Variants in NGEF observed in about 807,000 individuals in gnomAD.
The protein encoded by NGEF is neuronal guanine nucleotide exchange factor, also known as ephexin-1.
Under a neutral mutation model 80.9 loss-of-function variants are expected in NGEF, and 31 were observed. That is an observed-to-expected ratio of 0.38 (90% CI 0.29 to 0.52). The LOEUF (loss-of-function observed/expected upper bound fraction) is 0.52. Among genes scored for constraint, NGEF ranks in the 20% least tolerant of loss-of-function variants. NGEF has a pLI of 0.84. For missense variants in NGEF, 709 were observed against 926.2 expected (o/e 0.77, Z 3.04); for synonymous variants, 371 against 370.2 (o/e 1.00, Z -0.03).
chr2:232,946,552 T>C (rs62191834), intron 3 of NGEF, among the ~76,000 whole-genome samples: 26,305 of 152,206 alleles, frequency 0.17, 3,121 homozygotes, highest in Non-Finnish European at 0.26. Context: ...GGGCACAATT[T>C]CCTAGCTCTG....
At chr2:232,888,657 T>C (rs1691784746) in intron 8 of NGEF, among the ~76,000 whole-genome samples, 1 of 152,236 alleles carries the variant, frequency 6.6e-6, no homozygotes, top group South Asian at 2.1e-4. Context: ...CAGTGAGGAC[T>C]GTCACGCTTA....
At chr2:232,992,310 C>T (rs191555370) in intron 1 of NGEF, among the ~76,000 whole-genome samples, 2 of 152,058 alleles carry the variant, frequency 1.3e-5, no homozygotes, top group East Asian at 3.9e-4. Flanking sequence ...GTAATCTCAG[C>T]ACTTTGGGGG....
chr2:233,010,900 C>A (rs996675607), intron 1 of NGEF, among the ~76,000 whole-genome samples: 2 of 152,070 alleles, frequency 1.3e-5, no homozygotes, highest in African/African-American at 4.8e-5. Flanking sequence ...TGGTCCCAGG[C>A]CAAGGGAAGG....
chr2:232,999,320 T>TTTAATATA (rs1694921994), intron 1 of NGEF, among the ~76,000 whole-genome samples: 2 of 152,096 alleles, frequency 1.3e-5, no homozygotes, highest in Non-Finnish European at 2.9e-5. Flanking sequence ...ATATAAAAAT[T>TTTAATATA]GGATATAGAG....
At chr2:232,959,662 C>T (rs544955873) in intron 3 of NGEF, among the ~76,000 whole-genome samples, 1 of 151,564 alleles carries the variant, frequency 6.6e-6, no homozygotes, top group Non-Finnish European at 1.5e-5. Flanking sequence ...TCACCACAAC[C>T]TCTGTCTCCT....
At chr2:232,886,719 G>A (rs1195460710) in intron 9 of NGEF, among the ~76,000 whole-genome samples, 2 of 152,248 alleles carry the variant, frequency 1.3e-5, no homozygotes, top group African/African-American at 2.4e-5. Flanking sequence ...ACATACCCCT[G>A]GCCCAGGGCT....
At chr2:232,953,301 C>CAAAAAAAAAAAAAAAAAAAAA (rs57652494) in intron 3 of NGEF, among the ~76,000 whole-genome samples, 7 of 91,206 alleles carry the variant, frequency 7.7e-5, no homozygotes, top group South Asian at 4.6e-4. Flanking sequence ...GACTCTGTGT[C>CAAAAAAAAAAAAAAAAAAAAA]AAAAAAAAAA....
chr2:233,013,167 C>T lies in NGEF; in HGVS notation c.-174G>A, dbSNP rs76601746. The T allele has an allele frequency of 1.9e-3, 887 of 471,254 alleles. 10 individuals carry two copies. The highest frequency in any genetic ancestry group is 0.016 in the African/African-American group (796 of 50,200). The allele number at this position is 471,254 out of a possible 1,614,324, so 29.2% of individuals were successfully genotyped here. ...ACCTGCGAGCAGGATGGTGTGTCCC[C>T]GGCTAAATCCACAGGCGCTCCACTC... is the stretch of plus-strand genomic sequence containing the variant. On this transcript the variant is annotated 5_prime_UTR_variant, in exon 1 of 15. Transcript: ENST00000264051.
At chr2:232,884,304 G>C (rs527377859) in intron 10 of NGEF, among the ~76,000 whole-genome samples, 160 bp from the exon 11 acceptor site, 33 of 152,328 alleles carry the variant, frequency 2.2e-4, no homozygotes, top group Middle Eastern at 3.4e-3. Flanking sequence ...CGGATGCAGA[G>C]AGATGGCAGG....
intron 3 of NGEF, chr2:232,927,924 G>C: frequency 7.5e-7 from 1 of 1,335,344 alleles, no homozygotes; most frequent in Non-Finnish European, 9.6e-7. Flanking sequence ...GCCGAGTCGC[G>C]CGCGTCGCTT....
intron 1 of NGEF, among the ~76,000 whole-genome samples, chr2:233,007,462 C>A (rs1275546410): frequency 6.6e-6 from 1 of 152,120 alleles, no homozygotes; most frequent in Admixed American, 6.5e-5. Flanking sequence ...GTGGGGACAA[C>A]TCACAGAGAA....
At chr2:232,971,058 C>G (rs546418364) in intron 2 of NGEF, among the ~76,000 whole-genome samples, 2 of 131,296 alleles carry the variant, frequency 1.5e-5, no homozygotes, top group South Asian at 2.3e-4. Context: ...TAGCCTCCCC[C>G]AGAAAGTCTG....
At chr2:232,907,513 T>C (rs1446117894) in intron 5 of NGEF, among the ~76,000 whole-genome samples, 2 of 152,152 alleles carry the variant, frequency 1.3e-5, no homozygotes, top group African/African-American at 4.8e-5. Flanking sequence ...GGGAAGCACA[T>C]GAAGGTCTTT....
chr2:232,973,170 C>T (rs1694228770), intron 2 of NGEF, among the ~76,000 whole-genome samples: 2 of 152,166 alleles, frequency 1.3e-5, no homozygotes, highest in Non-Finnish European at 2.9e-5. Flanking sequence ...TAAACTTTCA[C>T]ACATGGCTTG....
chr2:232,897,622 G>T (rs530321486), intron 5 of NGEF, among the ~76,000 whole-genome samples: 99 of 152,314 alleles, frequency 6.5e-4, no homozygotes, highest in Admixed American at 1.9e-3. Context: ...ACCCCACAGA[G>T]AGTTCACATT....
rs538276030 is a variant in NGEF, at chr2:232,883,299, C to T, written c.1757+12G>A. 51 of 1,580,768 alleles carry T rather than the reference C, an allele frequency of 3.2e-5. No individual in the cohort carries two copies. The Admixed American group carries it at 4.5e-4, about 14-fold the overall frequency. ...ACGGGTAGCACTGGGCGTGTGGCGG[C>T]GAGGCACTCACTGAGAGGACGCCTT... On this transcript the variant is annotated intron_variant, in intron 12 of 14. Transcript: ENST00000264051.
chr2:232,974,516 T>G, intron 2 of NGEF, 107 bp downstream of exon 2: 1 of 1,311,914 alleles, frequency 7.6e-7, no homozygotes, highest in Non-Finnish European at 1.1e-6. Context: ...CTGTCCTTGG[T>G]ACTTTTCAAT....
At chr2:232,901,230 T>C in intron 5 of NGEF, 8 of 325,064 alleles carry the variant, frequency 2.5e-5, no homozygotes, top group Non-Finnish European at 3.5e-5. Flanking sequence ...ACATGGGCCA[T>C]GCTGCCTGGC....
chr2:232,932,116 C>G (rs979053074), intron 3 of NGEF, among the ~76,000 whole-genome samples: 1 of 151,014 alleles, frequency 6.6e-6, no homozygotes, highest in Non-Finnish European at 1.5e-5. Flanking sequence ...CAAGTGTTCT[C>G]TACAGCTCCC....
Sources: allele counts gnomAD v4.1 joint callset (sites outside exome capture counted in the v4.1 genomes callset), GRCh38; gene constraint gnomAD v4.1.1; transcripts MANE v1.5; gene names NCBI Gene and HGNC (gene_info 2026-07-23, HGNC 2026-07-21).